The following GLE1 variants were observed in gnomAD, a reference collection of about 807,000 sequenced individuals.
GLE1 encodes the protein mRNA export factor GLE1.
In GLE1, 78 loss-of-function variants were observed where a neutral mutation model predicts 97.3. That is an observed-to-expected ratio of 0.80 (90% confidence interval 0.67 to 0.97). GLE1 has a LOEUF of 0.97. Ranked by LOEUF, GLE1 falls within the 50% of genes least tolerant of loss-of-function variation. The pLI is 0.00. For synonymous variants in GLE1, 302 were observed against 313.4 expected, an observed-to-expected ratio of 0.96 and a Z score of 0.39; for missense variants, 753 against 857.5, an observed-to-expected ratio of 0.88 and a Z score of 1.52.
intron 2 of GLE1, among the ~76,000 whole-genome samples, chr9:128,513,552 A>C (rs1846885847): frequency 6.6e-6 from 1 of 152,028 alleles, no homozygotes; most frequent in South Asian, 2.1e-4. Context: ...CTCCATATTT[A>C]CAAAAAAATT....
intron 9 of GLE1, among the ~76,000 whole-genome samples, chr9:128,528,195 G>A (rs1239192714): frequency 2.0e-5 from 3 of 151,468 alleles, no homozygotes; most frequent in African/African-American, 2.4e-5. Context: ...TAGTAGAGAC[G>A]GGGTTTCACT....
intron 9 of GLE1, 39 bp downstream of exon 9, chr9:128,527,564 T>C: frequency 8.5e-7 from 1 of 1,179,454 alleles, no homozygotes; most frequent in Non-Finnish European, 1.3e-6. Flanking sequence ...TTTCATTTCA[T>C]TGTATTATCT....
Position 128,525,382 on chromosome 9 carries a change from C to A in GLE1, c.1088C>A (p.Pro363His). 1 of 1,611,266 alleles carries A rather than the reference C, an allele frequency of 6.2e-7. No homozygotes were observed. The highest frequency in any genetic ancestry group is 1.3e-5 in the African/African-American group (1 of 74,986). Reference sequence around the variant, plus strand: ...CAGGGACCAGAGGCCCACAAAGAGCCCCCAGCTCCCAGCCAGGGCCCAGGA... The same window carrying A: ...CAGGGACCAGAGGCCCACAAAGAGCACCCAGCTCCCAGCCAGGGCCCAGGA... ...MQQGPEAHKE[P>H]PAPSQGPGGK... Residue 363 changes from proline to histidine, a missense_variant, in exon 7 of 16, where the codon CCC becomes CAC. Pro to His is a moderately conservative substitution (Grantham distance 77). Transcript: ENST00000309971.
chr9:128,523,777 G>T lies in GLE1; in HGVS notation c.828G>T (p.Leu276=). The change falls in exon 6 of 16, where the codon CTG becomes CTT. Residue 276 remains leucine, a synonymous_variant. Coordinates refer to ENST00000309971, the MANE Select transcript of GLE1 (RefSeq NM_001003722.2). ...ACAAAGCCCTGCTTAAGGTCGACCT[G>T]GCTGCCTTCCAGACCCGAGGCAACC... ...EQHKALLKVD[L]AAFQTRGNQL... is the part of the protein sequence containing the mutation. 6.2e-7 allele frequency: 1 copy of T among 1,614,034 alleles called. No individual in the cohort carries two copies. The highest frequency in any genetic ancestry group is 8.5e-7 in the Non-Finnish European group (1 of 1,179,994).
intron 14 of GLE1, among the ~76,000 whole-genome samples, 153 bp from the exon 15 acceptor site, chr9:128,540,122 A>G (rs1169385573): frequency 2.0e-5 from 3 of 152,188 alleles, no homozygotes; most frequent in Non-Finnish European, 4.4e-5. Flanking sequence ...AAGCTGAGAC[A>G]GGAGGATCGC....
At chr9:128,509,651 CAAAAA>C (rs200898903) in intron 2 of GLE1, among the ~76,000 whole-genome samples, 1 of 126,036 alleles carries the variant, frequency 7.9e-6, no homozygotes, top group South Asian at 2.6e-4. Context: ...CTCCTAAACG[CAAAAA>C]AAAAAAAAAA....
At chr9:128,513,405 A>G (rs948811988) in intron 2 of GLE1, among the ~76,000 whole-genome samples, 18 of 152,088 alleles carry the variant, frequency 1.2e-4, no homozygotes, top group African/African-American at 4.3e-4. Flanking sequence ...TTCATCAGAA[A>G]AGTTCAAAGA....
intron 9 of GLE1, among the ~76,000 whole-genome samples, chr9:128,529,318 C>T (rs1847409233): frequency 6.6e-6 from 1 of 152,178 alleles, no homozygotes; most frequent in Admixed American, 6.6e-5. Flanking sequence ...CACCACTGCA[C>T]AGTGACATTT....
chr9:128,541,065 G>T, intron 15 of GLE1, 37 bp from the exon 16 acceptor site: 1 of 1,154,706 alleles, frequency 8.7e-7, no homozygotes, highest in South Asian at 1.2e-5. Context: ...ACTGTTATCA[G>T]AAACTCATTC....
At chr9:128,533,268 A>G (rs998521262) in intron 9 of GLE1, among the ~76,000 whole-genome samples, 1 of 151,702 alleles carries the variant, frequency 6.6e-6, no homozygotes, top group Admixed American at 6.6e-5. Flanking sequence ...TACAAAAAAA[A>G]AAAAATACAA....
chr9:128,526,000 T>TTTGTTG (rs542525999), intron 7 of GLE1, among the ~76,000 whole-genome samples: 1 of 151,824 alleles, frequency 6.6e-6, no homozygotes, highest in African/African-American at 2.4e-5. Context: ...GAGTCTGGTT[T>TTTGTTG]TTGTTGTTGT....
At chr9:128,525,143 G>T in intron 6 of GLE1, 49 bp from the exon 7 acceptor site, 1 of 1,361,380 alleles carries the variant, frequency 7.3e-7, no homozygotes, top group South Asian at 1.2e-5. Context: ...TATGAGGTAT[G>T]ATTTACCTAG....
intron 15 of GLE1, 115 bp downstream of exon 15, chr9:128,540,453 C>T (rs1336642977): frequency 1.3e-6 from 1 of 748,574 alleles, no homozygotes; most frequent in Admixed American, 1.9e-5. Flanking sequence ...TTAGTTCTTC[C>T]AAACCCTTCT....
chr9:128,512,671 T>G (rs905361800), intron 2 of GLE1, among the ~76,000 whole-genome samples: 1 of 151,616 alleles, frequency 6.6e-6, no homozygotes, highest in African/African-American at 2.4e-5. Context: ...ATTGCTGAGG[T>G]CTTTTTTTTT....
intron 1 of GLE1, among the ~76,000 whole-genome samples, chr9:128,506,991 C>T (rs969901244): frequency 2.2e-4 from 34 of 152,134 alleles, no homozygotes; most frequent in Non-Finnish European, 8.8e-5. Flanking sequence ...TTTATTATAT[C>T]ATAGGTAATC....
chr9:128,540,471 C>G, intron 15 of GLE1, 133 bp downstream of exon 15: 1 of 709,010 alleles, frequency 1.4e-6, no homozygotes, highest in Non-Finnish European at 2.6e-6. Flanking sequence ...TCTTTTTGTT[C>G]CTAATTCCCT....
chr9:128,539,831 C>T, intron 14 of GLE1, 133 bp downstream of exon 14: 2 of 1,553,828 alleles, frequency 1.3e-6, no homozygotes, highest in Non-Finnish European at 1.7e-6. Context: ...ATCTTTCCTA[C>T]TCCAGTCCCT....
At chr9:128,524,986 A>G (rs1847261278) in intron 6 of GLE1, among the ~76,000 whole-genome samples, 1 of 152,216 alleles carries the variant, frequency 6.6e-6, no homozygotes, top group Non-Finnish European at 1.5e-5. Context: ...CTGAGAATAC[A>G]GACCAATTTA....
In GLE1 at chr9:128,525,207, G is replaced by C. The variant is rs1304488557; in HGVS notation, c.913G>C (p.Ala305Pro). The change falls in exon 7 of 16, where the codon GCA (alanine) becomes CCA (proline). Residue 305 changes from alanine (A) to proline (P), a missense_variant. Physicochemically the swap from Ala to Pro is conservative, Grantham distance 27. Coordinates refer to ENST00000309971, the MANE Select transcript of GLE1 (RefSeq NM_001003722.2). ...RASSESSYPT[A>P]ESQAEAERAL... ...ACTCTGACAGAGCAGCTATCCCACA[G>C]CAGAGAGTCAAGCTGAGGCTGAGCG... The C allele has an allele frequency of 1.9e-6, 3 of 1,613,828 alleles. No homozygotes were observed. The highest frequency in any genetic ancestry group is 2.5e-6 in the Non-Finnish European group (3 of 1,179,728).
Sources: gnomAD v4.1 joint callset for allele counts (sites outside exome capture counted in the v4.1 genomes callset) on GRCh38, gnomAD v4.1.1 for gene constraint, MANE v1.5 for transcripts, NCBI Gene and HGNC (gene_info 2026-07-23, HGNC 2026-07-21) for gene names.